The following TMEM132D variants were observed in gnomAD, a reference collection of about 807,000 sequenced individuals.
TMEM132D encodes mature OL transmembrane protein.
A neutral mutation model predicts 62.3 loss-of-function variants in TMEM132D; 21 were observed. That is an observed-to-expected ratio of 0.34 (90% confidence interval 0.24 to 0.49). TMEM132D has a LOEUF of 0.49. Ranked by LOEUF, TMEM132D falls within the 20% of genes least tolerant of loss-of-function variation. The pLI is 0.99. For synonymous variants in TMEM132D, 621 were observed against 575.6 expected, an observed-to-expected ratio of 1.08 and a Z score of -1.13; for missense variants, 1,346 against 1,402.8, an observed-to-expected ratio of 0.96 and a Z score of 0.65.
At chr12:129,118,426 A>C (rs12821913) in intron 5 of TMEM132D, among the ~76,000 whole-genome samples, 33,174 of 152,150 alleles carry the variant, frequency 0.22, 4,443 homozygotes, top group Non-Finnish European at 0.29. Flanking sequence ...ATCCCTCGTC[A>C]GCCCCAGCAC....
At chr12:129,265,090 T>G (rs983366234) in intron 4 of TMEM132D, among the ~76,000 whole-genome samples, 1 of 152,130 alleles carries the variant, frequency 6.6e-6, no homozygotes, top group Non-Finnish European at 1.5e-5. Context: ...AACAAAACTT[T>G]TCTTTCATAA....
At chr12:129,661,606 A>G (rs2137192105) in intron 2 of TMEM132D, among the ~76,000 whole-genome samples, 1 of 152,334 alleles carries the variant, frequency 6.6e-6, no homozygotes, top group Middle Eastern at 3.4e-3. Flanking sequence ...CTTATCTCAG[A>G]TACTAGGTTA....
intron 3 of TMEM132D, among the ~76,000 whole-genome samples, chr12:129,529,447 C>G (rs573355266): frequency 6.6e-6 from 1 of 152,322 alleles, no homozygotes; most frequent in South Asian, 2.1e-4. Flanking sequence ...TTGGGCCCCC[C>G]CATGCTCTCT....
At chr12:129,783,754 G>A (rs1162232388) in intron 1 of TMEM132D, among the ~76,000 whole-genome samples, 4 of 152,338 alleles carry the variant, frequency 2.6e-5, no homozygotes, top group African/African-American at 4.8e-5. Flanking sequence ...CTAGACCAGC[G>A]TGTAAGCAGG....
intron 3 of TMEM132D, among the ~76,000 whole-genome samples, chr12:129,396,782 A>T (rs7132602): frequency 6.6e-6 from 1 of 152,182 alleles, no homozygotes; most frequent in Non-Finnish European, 1.5e-5. Flanking sequence ...AGATGACTTT[A>T]TACCCCCAAT....
At chr12:129,787,935 G>A (rs1040402883) in intron 1 of TMEM132D, among the ~76,000 whole-genome samples, 9 of 152,216 alleles carry the variant, frequency 5.9e-5, no homozygotes, top group African/African-American at 1.9e-4. Context: ...TCAGATGAGA[G>A]GGCAGGCTGG....
chr12:129,763,211 G>A (rs1870441141), intron 1 of TMEM132D, among the ~76,000 whole-genome samples: 1 of 152,122 alleles, frequency 6.6e-6, no homozygotes, highest in Non-Finnish European at 1.5e-5. Flanking sequence ...CCGAATAGCT[G>A]GGACTACAGA....
intron 2 of TMEM132D, among the ~76,000 whole-genome samples, chr12:129,636,249 C>T (rs1021337035): frequency 1.2e-4 from 18 of 152,080 alleles, no homozygotes; most frequent in African/African-American, 4.3e-4. Context: ...GTAGGCCTTC[C>T]CCACAAGAGA....
chr12:129,637,667 G>T (rs752449404), intron 2 of TMEM132D, among the ~76,000 whole-genome samples: 2 of 152,154 alleles, frequency 1.3e-5, no homozygotes, highest in Non-Finnish European at 2.9e-5. Context: ...TATAAAAAAA[G>T]AAGTTTAATG....
chr12:129,347,207 ACTT>A (rs1442295394), intron 3 of TMEM132D, among the ~76,000 whole-genome samples: 1 of 152,160 alleles, frequency 6.6e-6, no homozygotes, highest in African/African-American at 2.4e-5. Context: ...GAAAAAAACT[ACTT>A]TAAATTTCAT....
chr12:129,588,649 AC>A, intron 2 of TMEM132D, among the ~76,000 whole-genome samples: 2 of 150,360 alleles, frequency 1.3e-5, no homozygotes, highest in East Asian at 3.9e-4. Context: ...ATCTCCGCCC[AC>A]TGCAAGCTCC....
intron 3 of TMEM132D, among the ~76,000 whole-genome samples, chr12:129,432,159 T>TTGGATGGATGGATGGA (rs767215290): frequency 1.5e-5 from 2 of 134,378 alleles, no homozygotes; most frequent in East Asian, 2.2e-4. Context: ...GGATGGATGC[T>TTGGATGGATGGATGGA]TGGATGGATG....
intron 5 of TMEM132D, among the ~76,000 whole-genome samples, chr12:129,107,481 T>G (rs1212659446): frequency 1.3e-5 from 2 of 152,184 alleles, no homozygotes; most frequent in Non-Finnish European, 2.9e-5. Flanking sequence ...ATGATGCAGA[T>G]TGAATGCAGG....
intron 5 of TMEM132D, among the ~76,000 whole-genome samples, chr12:129,199,360 C>T (rs1017110019): frequency 2.6e-5 from 4 of 152,124 alleles, no homozygotes; most frequent in African/African-American, 7.2e-5. Flanking sequence ...TCTTGGCCTC[C>T]CAAATTGTTG....
intron 5 of TMEM132D, among the ~76,000 whole-genome samples, chr12:129,156,749 CATG>C (rs1428423384): frequency 1.2e-4 from 19 of 152,230 alleles, no homozygotes; most frequent in African/African-American, 3.9e-4. Flanking sequence ...AAATCACTTC[CATG>C]ATAACTAACC....
At chr12:129,388,180 A>AC in intron 3 of TMEM132D, among the ~76,000 whole-genome samples, 3 of 124,200 alleles carry the variant, frequency 2.4e-5, no homozygotes, top group African/African-American at 6.1e-5. Flanking sequence ...CAACACCAAT[A>AC]TTAACACCAA....
chr12:129,209,463 A>T, intron 5 of TMEM132D, 57 bp downstream of exon 5: 1 of 1,602,732 alleles, frequency 6.2e-7, no homozygotes. Flanking sequence ...CTGGTCCAGG[A>T]GCACAGAAGC....
At chr12:129,633,263 T>C (rs1316681816) in intron 2 of TMEM132D, among the ~76,000 whole-genome samples, 1 of 152,224 alleles carries the variant, frequency 6.6e-6, no homozygotes, top group African/African-American at 2.4e-5. Flanking sequence ...TATGGACATG[T>C]GGAAAATCAG....
chr12:129,642,280 G>A (rs996840480), intron 2 of TMEM132D, among the ~76,000 whole-genome samples: 3 of 152,254 alleles, frequency 2.0e-5, no homozygotes, highest in Non-Finnish European at 2.9e-5. Flanking sequence ...GCTAAAAACA[G>A]TATCATCAGA....
Sources: allele counts gnomAD v4.1 joint callset (sites outside exome capture counted in the v4.1 genomes callset), GRCh38; gene constraint gnomAD v4.1.1; transcripts MANE v1.5; gene names NCBI Gene and HGNC (gene_info 2026-07-23, HGNC 2026-07-21).